CADPS2: variants seen among roughly 807,000 people sequenced by gnomAD.
CADPS2 encodes calcium-dependent secretion activator 2.
A neutral mutation model predicts 172.5 loss-of-function variants in CADPS2; 93 were observed. That is an observed-to-expected ratio of 0.54 (90% CI 0.46 to 0.64). The LOEUF (loss-of-function observed/expected upper bound fraction) is 0.64. Ranked by LOEUF, CADPS2 falls within the 30% of genes least tolerant of loss-of-function variation. The probability of loss-of-function intolerance (pLI) is 0.00; values close to 1 mark genes in which losing one functional copy is unlikely to be tolerated. For missense variants in CADPS2, 1,420 were observed against 1,565.9 expected, an observed-to-expected ratio of 0.91 and a Z score of 1.57; for synonymous variants, 546 against 555.2, an observed-to-expected ratio of 0.98 and a Z score of 0.23.
At chr7:122,560,582 G>C (rs2132185517) in intron 7 of CADPS2, among the ~76,000 whole-genome samples, 1 of 152,194 alleles carries the variant, frequency 6.6e-6, no homozygotes, top group Non-Finnish European at 1.5e-5. Flanking sequence ...CAGAAATCAT[G>C]GTTCAATTTT....
Position 122,393,188 on chromosome 7 carries a change from A to G in CADPS2, c.3008+8T>C, listed in dbSNP as rs769921527. On this transcript the variant is annotated splice_region_variant and intron_variant, in intron 22 of 29. Coordinates refer to ENST00000449022, the MANE Select transcript of CADPS2 (RefSeq NM_017954.11). ...CACACCACCAGGAAATAAGTGAGGA[A>G]TACACACGTGGACTCATATAAAGAA... 3.1e-6 allele frequency: 5 copies of G among 1,613,216 alleles called. No homozygotes were observed. The Middle Eastern group carries it at 6.6e-4, about 213-fold the overall frequency.
intron 17 of CADPS2, among the ~76,000 whole-genome samples, chr7:122,418,572 T>A (rs2048201930): frequency 6.6e-6 from 1 of 152,172 alleles, no homozygotes; most frequent in South Asian, 2.1e-4. Context: ...TGAAAGTGTC[T>A]GATATGGATC....
In CADPS2 at chr7:122,375,169, AT is replaced by A. The variant is rs761593353; in HGVS notation, c.3387+4198del. 1.4e-3 allele frequency among the ~76,000 whole-genome samples: 219 copies of A among 152,056 alleles called. 4 individuals carry two copies. The highest frequency in any genetic ancestry group is 2.1e-4 in the South Asian group (1 of 4,816). On this transcript the variant is annotated intron_variant, in intron 25 of 29. Transcript: ENST00000449022. Reference sequence around the variant, plus strand: ...CAATCTCTATCAAAATCCTAATGGCATTTTTTTTAAAGTAACAGAAAAAGCA... The same window carrying A: ...CAATCTCTATCAAAATCCTAATGGCATTTTTTTAAAGTAACAGAAAAAGCA...
intron 1 of CADPS2, among the ~76,000 whole-genome samples, chr7:122,746,424 C>T (rs2092718131): frequency 6.6e-6 from 1 of 152,102 alleles, no homozygotes; most frequent in African/African-American, 2.4e-5. Context: ...AGAAAACAGA[C>T]TGAGAGGTTA....
intron 5 of CADPS2, among the ~76,000 whole-genome samples, chr7:122,621,192 A>T (rs754503141): frequency 6.6e-6 from 1 of 152,080 alleles, no homozygotes; most frequent in African/African-American, 2.4e-5. Context: ...GTGAGCCCCA[A>T]TGCTCATCTT....
At chr7:122,701,726 G>T in intron 2 of CADPS2, 1 of 701,714 alleles carries the variant, frequency 1.4e-6, no homozygotes, top group Non-Finnish European at 2.3e-6. Flanking sequence ...TCATACTTGG[G>T]TAGAGAAGCT....
At chr7:122,334,616 T>C (rs559113255) in intron 28 of CADPS2, among the ~76,000 whole-genome samples, 205 of 152,326 alleles carry the variant, frequency 1.3e-3, no homozygotes, top group African/African-American at 4.6e-3. Flanking sequence ...CGTCATTTGA[T>C]GCAGGTGCTA....
chr7:122,863,992 T>C (rs1192463927), intron 1 of CADPS2, among the ~76,000 whole-genome samples: 4 of 152,186 alleles, frequency 2.6e-5, no homozygotes, highest in African/African-American at 7.2e-5. Flanking sequence ...ATCACGCCAC[T>C]GCACTCCAGC....
chr7:122,554,460 C>A, intron 8 of CADPS2, 90 bp downstream of exon 8: 2 of 1,254,334 alleles, frequency 1.6e-6, no homozygotes, highest in Non-Finnish European at 2.2e-6. Context: ...TGAAAGCCTG[C>A]TATACTGGTT....
rs199768783 is a variant in CADPS2, at chr7:122,405,662, C to CA, written c.2746+1877dup. On this transcript the variant is annotated intron_variant, in intron 20 of 29. Transcript: ENST00000449022. The stretch of plus-strand genomic sequence containing the variant: ...GCGATGGAACAAGCTCTGTCTCAAA[C>CA]AAAACAAACAAAAAACCGGCTTAGG... 5.3e-4 allele frequency among the ~76,000 whole-genome samples: 63 copies of CA among 118,790 alleles called. No homozygotes were observed. The Admixed American group carries it at 5.4e-3, about 10-fold the overall frequency. The allele number at this position is 118,790 out of a possible 152,430, so 77.9% of individuals were successfully genotyped here. A position where few individuals can be genotyped will look rare whatever the true frequency, so the allele number is the denominator to read the frequency against.
Position 122,438,950 on chromosome 7 carries a change from C to T in CADPS2, c.2353-486G>A, listed in dbSNP as rs1164590588. Among the ~76,000 whole-genome samples, 3 of 151,410 alleles carry T rather than the reference C, an allele frequency of 2.0e-5. No homozygotes were observed. The South Asian group carries it at 6.2e-4, about 32-fold the overall frequency. On this transcript the variant is annotated intron_variant, in intron 16 of 29. Coordinates refer to ENST00000449022, the MANE Select transcript of CADPS2 (RefSeq NM_017954.11). ...AGCTCTGAAAAAAAAAAAATCAAGA[C>T]CTCTAATCTCACTAAATTTTAATGA... is the stretch of plus-strand genomic sequence containing the variant.
chr7:122,566,635 T>C (rs1440030428), intron 7 of CADPS2, among the ~76,000 whole-genome samples: 1 of 152,140 alleles, frequency 6.6e-6, no homozygotes, highest in African/African-American at 2.4e-5. Flanking sequence ...GTAATACACT[T>C]GAGAATGTTT....
chr7:122,692,226 A>G (rs185857235), intron 2 of CADPS2, among the ~76,000 whole-genome samples: 36 of 152,170 alleles, frequency 2.4e-4, no homozygotes, highest in African/African-American at 7.7e-4. Context: ...CTCCCGCAAC[A>G]TAGCGGGGGT....
At chr7:122,611,635 G>T (rs1338007000) in intron 6 of CADPS2, among the ~76,000 whole-genome samples, 2 of 151,940 alleles carry the variant, frequency 1.3e-5, no homozygotes, top group Non-Finnish European at 2.9e-5. Flanking sequence ...CTCCACTGGT[G>T]AATTCTACCA....
chr7:122,441,450 T>C (rs2051343422), intron 16 of CADPS2, 62 bp downstream of exon 16: 1 of 1,110,302 alleles, frequency 9.0e-7, no homozygotes, highest in Admixed American at 3.0e-5. Context: ...CCTAGTTCAA[T>C]AACTAAAATA....
chr7:122,815,441 C>A (rs763178724), intron 1 of CADPS2, among the ~76,000 whole-genome samples: 13 of 152,236 alleles, frequency 8.5e-5, no homozygotes, highest in Middle Eastern at 3.4e-3. Context: ...CAGAAAAGTT[C>A]ATCCACAATT....
intron 29 of CADPS2, among the ~76,000 whole-genome samples, chr7:122,324,864 T>C (rs2033484247): frequency 6.6e-6 from 1 of 152,148 alleles, no homozygotes; most frequent in South Asian, 2.1e-4. Context: ...TAGATCTTAC[T>C]CACTAAATAT....
At chr7:122,742,326 C>G (rs1204696302) in intron 1 of CADPS2, among the ~76,000 whole-genome samples, 1 of 151,596 alleles carries the variant, frequency 6.6e-6, no homozygotes, top group Non-Finnish European at 1.5e-5. Flanking sequence ...ACCCGAGAGG[C>G]AGAGGTTGCA....
At chr7:122,671,348 C>T (rs2081832444) in intron 2 of CADPS2, among the ~76,000 whole-genome samples, 1 of 152,076 alleles carries the variant, frequency 6.6e-6, no homozygotes, top group African/African-American at 2.4e-5. Flanking sequence ...TTTAATTCCC[C>T]CATCCATGCA....
Sources: allele counts gnomAD v4.1 joint callset (sites outside exome capture counted in the v4.1 genomes callset), GRCh38; gene constraint gnomAD v4.1.1; transcripts MANE v1.5; gene names NCBI Gene and HGNC (gene_info 2026-07-23, HGNC 2026-07-21).